Variants in ELAPOR2 observed in about 807,000 individuals in gnomAD.
The protein encoded by ELAPOR2 is endosome-lysosome associated apoptosis and autophagy regulator family member 2.
ELAPOR2 carries 89 observed loss-of-function variants against 120.7 expected under a neutral mutation model. The ratio of observed to expected loss-of-function variants is 0.74; its 90% CI spans 0.62 to 0.88. The LOEUF (loss-of-function observed/expected upper bound fraction) is 0.88, where lower values mean the gene tolerates loss of function less well. ELAPOR2 is among the 40% of genes least tolerant of loss of function. ELAPOR2 has a pLI of 0.00. For missense variants in ELAPOR2, 1,134 were observed against 1,251.6 expected (o/e 0.91, Z 1.42); for synonymous variants, 444 against 444.9 (o/e 1.00, Z 0.03).
chr7:87,028,929 A>G (rs965095901), intron 1 of ELAPOR2, among the ~76,000 whole-genome samples: 6 of 152,250 alleles, frequency 3.9e-5, no homozygotes, highest in Admixed American at 2.0e-4. Flanking sequence ...GTGCATGATC[A>G]TTTTAGGGTT....
chr7:86,898,378 T>G (rs545136505), intron 18 of ELAPOR2, among the ~76,000 whole-genome samples: 4 of 152,016 alleles, frequency 2.6e-5, no homozygotes, highest in Non-Finnish European at 5.9e-5. Context: ...AGCTAAAGGA[T>G]ATGAGGTTTC....
At chr7:87,042,613 G>A (rs1304709915) in intron 1 of ELAPOR2, among the ~76,000 whole-genome samples, 1 of 152,066 alleles carries the variant, frequency 6.6e-6, no homozygotes, top group African/African-American at 2.4e-5. Context: ...TCAAAGCAGT[G>A]TGTAGAGGGA....
chr7:87,032,514 C>G (rs1017413438), intron 1 of ELAPOR2, among the ~76,000 whole-genome samples: 14 of 152,184 alleles, frequency 9.2e-5, no homozygotes, highest in Non-Finnish European at 5.9e-5. Flanking sequence ...AAAAGGCCAT[C>G]TGTTTTTGAA....
intron 2 of ELAPOR2, among the ~76,000 whole-genome samples, chr7:86,949,470 C>A (rs1407188578): frequency 6.6e-6 from 1 of 152,130 alleles, no homozygotes; most frequent in Non-Finnish European, 1.5e-5. Flanking sequence ...GGAGGCAGAG[C>A]CCCGTCCTCC....
intron 21 of ELAPOR2, among the ~76,000 whole-genome samples, chr7:86,890,405 G>A (rs1788089125): frequency 6.6e-6 from 1 of 151,902 alleles, no homozygotes; most frequent in Non-Finnish European, 1.5e-5. Context: ...CCCCCTTTGA[G>A]GCAAAGGATG....
chr7:86,895,348 G>A (rs908744461), intron 19 of ELAPOR2, among the ~76,000 whole-genome samples: 1 of 151,996 alleles, frequency 6.6e-6, no homozygotes, highest in Non-Finnish European at 1.5e-5. Context: ...AGTTGCAATG[G>A]AATACATTAA....
Position 86,944,913 on chromosome 7 carries a change from A to C in ELAPOR2, c.640T>G (p.Phe214Val). 2.6e-6 allele frequency: 4 copies of C among 1,544,246 alleles called. No individual in the cohort carries two copies. Among genetic ancestry groups the C allele is most frequent in the Non-Finnish European group, 3.5e-6 (4 of 1,145,140 alleles). ...AAAGGTCTTACAAAGAACTCAAAGAAGATGTTGTTGTCGACATACTGGTAC... is the reference window on the plus strand; with the variant it reads ...AAAGGTCTTACAAAGAACTCAAAGACGATGTTGTTGTCGACATACTGGTAC... ...FEYQYVDNNI[F>V]FEFFIQNDQC... Residue 214 changes from phenylalanine to valine, a missense_variant, in exon 4 of 22, where the codon TTC (phenylalanine) becomes GTC (valine). By Grantham distance (50) the Phe-to-Val change is conservative. This residue lies in a region of ELAPOR2 where 280 missense variants were observed against 331.5 expected (regional missense o/e 0.84). Coordinates refer to ENST00000450689, the MANE Select transcript of ELAPOR2 (RefSeq NM_001142749.3).
At chr7:86,916,899 C>G (rs1386672404) in intron 12 of ELAPOR2, among the ~76,000 whole-genome samples, 1 of 150,962 alleles carries the variant, frequency 6.6e-6, no homozygotes, top group South Asian at 2.1e-4. Context: ...AGGATTAAAG[C>G]TCCCAAGTAG....
chr7:87,052,737 G>C (rs1795146188), intron 1 of ELAPOR2, among the ~76,000 whole-genome samples: 2 of 152,092 alleles, frequency 1.3e-5, no homozygotes, highest in Non-Finnish European at 2.9e-5. Context: ...ACTGAGTTGA[G>C]AATCAACTTC....
At chr7:86,915,751 T>A (rs1485615853) in intron 12 of ELAPOR2, among the ~76,000 whole-genome samples, 1 of 150,614 alleles carries the variant, frequency 6.6e-6, no homozygotes, top group African/African-American at 2.4e-5. Context: ...CATCCTTTGA[T>A]AATACAGGAA....
At chr7:86,920,248 A>G (rs902677040) in intron 10 of ELAPOR2, among the ~76,000 whole-genome samples, 1 of 152,302 alleles carries the variant, frequency 6.6e-6, no homozygotes, top group East Asian at 1.9e-4. Context: ...ACATACTTAT[A>G]AGACAGATGT....
intron 2 of ELAPOR2, among the ~76,000 whole-genome samples, chr7:86,961,485 C>T (rs1181887787): frequency 6.6e-6 from 1 of 152,164 alleles, no homozygotes; most frequent in Admixed American, 6.5e-5. Context: ...GAACTCTCTC[C>T]CTACTTATAC....
At chr7:86,972,254 T>G (rs527656699) in intron 1 of ELAPOR2, among the ~76,000 whole-genome samples, 4 of 152,258 alleles carry the variant, frequency 2.6e-5, no homozygotes, top group African/African-American at 9.6e-5. Context: ...TCATCAGAAT[T>G]CAGCTGCACC....
chr7:86,917,858 A>G (rs1789637022), intron 12 of ELAPOR2, among the ~76,000 whole-genome samples: 1 of 152,186 alleles, frequency 6.6e-6, no homozygotes, highest in East Asian at 1.9e-4. Flanking sequence ...ATTTAATTGT[A>G]ATGTTAAACT....
At chr7:86,987,541 TG>T (rs1217434996) in intron 1 of ELAPOR2, among the ~76,000 whole-genome samples, 3 of 152,136 alleles carry the variant, frequency 2.0e-5, no homozygotes, top group African/African-American at 7.2e-5. Flanking sequence ...GCAAAGGATA[TG>T]AACAGACACT....
At chr7:86,899,495 T>C (rs746496931) in intron 18 of ELAPOR2, among the ~76,000 whole-genome samples, 1 of 152,126 alleles carries the variant, frequency 6.6e-6, no homozygotes, top group Non-Finnish European at 1.5e-5. Context: ...TAAAAAACAC[T>C]CTTTTGAAGT....
chr7:86,986,428 C>CA lies in ELAPOR2; in HGVS notation c.190-21405dup, dbSNP rs761833388. ...TGGGCGACAGAGCGAGACTCCGTCT[C>CA]AAAAAAAAAAAAAAAGAAAACCCCA... On this transcript the variant is annotated intron_variant, in intron 1 of 21. Transcript: ENST00000450689. 6.3e-3 allele frequency among the ~76,000 whole-genome samples: 419 copies of CA among 67,020 alleles called. 63 individuals carry two copies. The highest frequency in any genetic ancestry group is 7.1e-3 in the Middle Eastern group (1 of 140). 44.0% of individuals were successfully genotyped at this position (67,020 alleles called of 152,430 possible).
At chr7:86,956,808 A>G (rs1251327557) in intron 2 of ELAPOR2, among the ~76,000 whole-genome samples, 2 of 152,226 alleles carry the variant, frequency 1.3e-5, no homozygotes, top group East Asian at 3.9e-4. Context: ...AGTGAAGGTC[A>G]AGGGAAGAAA....
At chr7:86,892,672 CTT>C in intron 20 of ELAPOR2, among the ~76,000 whole-genome samples, 1 of 152,010 alleles carries the variant, frequency 6.6e-6, no homozygotes, top group Non-Finnish European at 1.5e-5. Context: ...CATGGAGCCT[CTT>C]GTTTTCCTTG....
Sources: gnomAD v4.1 joint callset for allele counts (sites outside exome capture counted in the v4.1 genomes callset) on GRCh38, gnomAD v4.1.1 for gene constraint, gnomAD v4.1.1 regional missense constraint, MANE v1.5 for transcripts, NCBI Gene and HGNC (gene_info 2026-07-23, HGNC 2026-07-21) for gene names.